PARD3B: variants seen among roughly 807,000 people sequenced by gnomAD.
PARD3B encodes the protein par-3 family cell polarity regulator beta.
Under a neutral mutation model 130.2 loss-of-function variants are expected in PARD3B, and 103 were observed. The observed-to-expected ratio is 0.79, with a 90% CI of 0.67 to 0.93. The LOEUF (loss-of-function observed/expected upper bound fraction) is 0.93. PARD3B is among the 40% of genes least tolerant of loss of function. PARD3B has a pLI of 0.00. For synonymous variants in PARD3B, 583 were observed against 553.2 expected, an observed-to-expected ratio of 1.05 and a Z score of -0.76; for missense variants, 1,609 against 1,499.2, an observed-to-expected ratio of 1.07 and a Z score of -1.21.
chr2:204,949,888 A>G (rs1040180517), intron 2 of PARD3B, among the ~76,000 whole-genome samples: 1 of 152,204 alleles, frequency 6.6e-6, no homozygotes, highest in African/African-American at 2.4e-5. Flanking sequence ...ATTAGAACAT[A>G]GTATGATAAA....
chr2:204,720,546 T>C (rs2038944467), intron 2 of PARD3B, among the ~76,000 whole-genome samples: 1 of 152,156 alleles, frequency 6.6e-6, no homozygotes, highest in Admixed American at 6.6e-5. Context: ...ATCAGATGGC[T>C]GATGGTTGAA....
chr2:204,811,936 C>CT (rs974030090), intron 2 of PARD3B, among the ~76,000 whole-genome samples: 6 of 152,070 alleles, frequency 3.9e-5, no homozygotes, highest in South Asian at 4.2e-4. Flanking sequence ...TATTTAAGTA[C>CT]TTTTTTTAAC....
At chr2:204,981,984 T>C (rs1249201432) in intron 3 of PARD3B, among the ~76,000 whole-genome samples, 2 of 151,932 alleles carry the variant, frequency 1.3e-5, no homozygotes, top group South Asian at 2.1e-4. Flanking sequence ...TGTGTGTATG[T>C]ACACACACAC....
intron 2 of PARD3B, among the ~76,000 whole-genome samples, chr2:204,749,192 T>TA: frequency 6.6e-6 from 1 of 152,242 alleles, no homozygotes; most frequent in South Asian, 2.1e-4. Context: ...GCTATTTGAA[T>TA]AAAAAATGGA....
At chr2:205,243,477 T>A (rs1011503471) in intron 15 of PARD3B, among the ~76,000 whole-genome samples, 1 of 152,216 alleles carries the variant, frequency 6.6e-6, no homozygotes, top group African/African-American at 2.4e-5. Flanking sequence ...TCAGAAAGAT[T>A]ATTTCTCATC....
chr2:205,521,684 G>A (rs1032646912), intron 21 of PARD3B, among the ~76,000 whole-genome samples: 1 of 152,020 alleles, frequency 6.6e-6, no homozygotes, highest in Non-Finnish European at 1.5e-5. Flanking sequence ...ACCTGGGCAT[G>A]GATTGCTAAT....
intron 1 of PARD3B, among the ~76,000 whole-genome samples, chr2:204,581,088 T>G (rs2032531515): frequency 6.6e-6 from 1 of 152,160 alleles, no homozygotes. Flanking sequence ...TCACACTACG[T>G]TTTTCAAACC....
chr2:205,467,723 T>C (rs1003587604), intron 20 of PARD3B, among the ~76,000 whole-genome samples: 5 of 152,182 alleles, frequency 3.3e-5, no homozygotes, highest in African/African-American at 1.2e-4. Flanking sequence ...TTCAACATAC[T>C]TCCAGTGGGA....
intron 21 of PARD3B, among the ~76,000 whole-genome samples, chr2:205,505,876 C>CT (rs1355173567): frequency 1.3e-5 from 2 of 151,870 alleles, no homozygotes; most frequent in Non-Finnish European, 2.9e-5. Context: ...CCCGCCCAAC[C>CT]TTTTTAAAAA....
At chr2:204,880,679 A>AAAAAAAAAAC (rs1460416710) in intron 2 of PARD3B, among the ~76,000 whole-genome samples, 1 of 151,332 alleles carries the variant, frequency 6.6e-6, no homozygotes, top group African/African-American at 2.4e-5. Flanking sequence ...AAAAAAAAAA[A>AAAAAAAAAAC]AAATACAGCA....
intron 2 of PARD3B, among the ~76,000 whole-genome samples, chr2:204,953,060 A>C (rs1370590128): frequency 7.5e-6 from 1 of 132,946 alleles, no homozygotes; most frequent in Non-Finnish European, 1.6e-5. Context: ...ATATACGTAT[A>C]TATATAGAGA....
At chr2:205,502,563 C>T (rs1261008886) in intron 21 of PARD3B, among the ~76,000 whole-genome samples, 2 of 152,134 alleles carry the variant, frequency 1.3e-5, no homozygotes, top group Admixed American at 6.5e-5. Flanking sequence ...GAACTTAGAA[C>T]TCCCCCAAGT....
chr2:205,104,369 C>A, intron 4 of PARD3B, 57 bp from the exon 5 acceptor site: 1 of 1,266,688 alleles, frequency 7.9e-7, no homozygotes, highest in Non-Finnish European at 1.2e-6. Context: ...ATATTTTATT[C>A]AGATTTTCAA....
At chr2:204,773,623 T>G (rs1446269444) in intron 2 of PARD3B, among the ~76,000 whole-genome samples, 2 of 152,190 alleles carry the variant, frequency 1.3e-5, no homozygotes, top group Admixed American at 1.3e-4. Flanking sequence ...ACTGCTTCCT[T>G]GAAAATGTGC....
intron 20 of PARD3B, among the ~76,000 whole-genome samples, chr2:205,478,982 C>T (rs1378516201): frequency 6.6e-6 from 1 of 151,914 alleles, no homozygotes; most frequent in Non-Finnish European, 1.5e-5. Context: ...AATTGCCAGC[C>T]GAAAACAGGA....
intron 16 of PARD3B, among the ~76,000 whole-genome samples, chr2:205,261,267 G>A (rs1387724093): frequency 2.0e-5 from 3 of 152,028 alleles, no homozygotes; most frequent in Admixed American, 2.0e-4. Context: ...ATGAATGAAT[G>A]AATATTCTTT....
intron 6 of PARD3B, among the ~76,000 whole-genome samples, chr2:205,118,167 C>A (rs1420616338): frequency 6.6e-6 from 1 of 152,180 alleles, no homozygotes; most frequent in African/African-American, 2.4e-5. Flanking sequence ...CCCTCCAGGT[C>A]CATCAGATTA....
chr2:205,506,133 G>A (rs925367900), intron 21 of PARD3B, among the ~76,000 whole-genome samples: 2 of 152,154 alleles, frequency 1.3e-5, no homozygotes, highest in Admixed American at 6.5e-5. Flanking sequence ...AAGAGATTGA[G>A]ACTAACCTGG....
At chr2:205,596,428 G>A (rs2054572660) in intron 22 of PARD3B, among the ~76,000 whole-genome samples, 1 of 152,158 alleles carries the variant, frequency 6.6e-6, no homozygotes, top group African/African-American at 2.4e-5. Context: ...TAATGAGCTG[G>A]ATTCTGGATG....
Sources: allele counts gnomAD v4.1 joint callset (sites outside exome capture counted in the v4.1 genomes callset), GRCh38; gene constraint gnomAD v4.1.1; transcripts MANE v1.5; gene names NCBI Gene and HGNC (gene_info 2026-07-23, HGNC 2026-07-21).